The following PTPRD variants were observed in gnomAD, a reference collection of about 807,000 sequenced individuals.
PTPRD encodes receptor-type tyrosine-protein phosphatase delta.
Under a neutral mutation model 214.5 loss-of-function variants are expected in PTPRD, and 34 were observed. The observed-to-expected ratio is 0.16, with a 90% confidence interval of 0.12 to 0.21. The LOEUF (loss-of-function observed/expected upper bound fraction) is 0.21, where lower values mean the gene tolerates loss of function less well. Among genes scored for constraint, PTPRD ranks in the 10% least tolerant of loss-of-function variants. The pLI is 1.00. For synonymous variants in PTPRD, 1,128 were observed against 845.7 expected, an observed-to-expected ratio of 1.33 and a Z score of -5.79; for missense variants, 2,545 against 2,398.7, an observed-to-expected ratio of 1.06 and a Z score of -1.27.
intron 3 of PTPRD, among the ~76,000 whole-genome samples, chr9:10,130,762 A>T (rs115302423): frequency 0.019 from 2,878 of 152,302 alleles, 94 homozygotes; most frequent in African/African-American, 0.064. Flanking sequence ...CTGAAAAAAA[A>T]TAAGCTGGAA....
intron 45 of PTPRD, 56 bp from the exon 46 acceptor site, chr9:8,317,998 A>G: frequency 6.5e-7 from 1 of 1,527,238 alleles, no homozygotes; most frequent in African/African-American, 1.4e-5. Context: ...GCATATTTTA[A>G]TAGAAAAATA....
intron 10 of PTPRD, among the ~76,000 whole-genome samples, chr9:9,169,344 T>A (rs145593872): frequency 2.3e-4 from 35 of 152,280 alleles, no homozygotes; most frequent in Middle Eastern, 3.4e-3. Flanking sequence ...TCTGATTCAA[T>A]GCTAAGAGGA....
rs556210590 is a variant in PTPRD at position 8,861,056 on chromosome 9, A to AATAGCACACAGGAGCTTTGCT, written c.-103-127131_-103-127111dup. 4.1e-3 allele frequency: 624 copies of AATAGCACACAGGAGCTTTGCT among 152,340 alleles called. 3 individuals carry two copies. The highest frequency in any genetic ancestry group is 0.015 in the African/African-American group (603 of 41,568). The allele number at this position is 152,340 out of a possible 1,614,324, so 9.4% of individuals were successfully genotyped here. ...CTTCCAGCTCTAACATTCTGTGATA[A>AATAGCACACAGGAGCTTTGCT]ATAGCACACAGGAGCTTTGCTATAG... On this transcript the variant is annotated intron_variant, in intron 11 of 45. Coordinates refer to ENST00000381196, the MANE Select transcript of PTPRD (RefSeq NM_002839.4).
chr9:9,531,255 G>A (rs763075703), intron 8 of PTPRD, among the ~76,000 whole-genome samples: 3 of 152,008 alleles, frequency 2.0e-5, no homozygotes, highest in Admixed American at 6.6e-5. Context: ...CCTTACTTAC[G>A]GGTTCATATG....
rs150156037 is a variant in PTPRD, at chr9:8,581,482, C to T, written c.352+51835G>A. ...GGGTGGCCGGGGCCGGGCGCAGTGGCTCACGCCTGTAATCCCAGCACTTTG... is the reference window on the plus strand; with the variant it reads ...GGGTGGCCGGGGCCGGGCGCAGTGGTTCACGCCTGTAATCCCAGCACTTTG... On this transcript the variant is annotated intron_variant, in intron 14 of 45. Transcript: ENST00000381196. Among the ~76,000 whole-genome samples, 1,506 of 152,290 alleles carry T rather than the reference C, an allele frequency of 9.9e-3. 33 individuals carry two copies. Among genetic ancestry groups the T allele is most frequent in the East Asian group, 0.073 (378 of 5,164 alleles).
chr9:10,392,055 T>C (rs1356300286), intron 2 of PTPRD, among the ~76,000 whole-genome samples: 1 of 151,778 alleles, frequency 6.6e-6, no homozygotes, highest in Admixed American at 6.6e-5. Context: ...TTCTTCTTCA[T>C]AGCATTTCAT....
chr9:8,779,809 T>C (rs1206552472), intron 11 of PTPRD, among the ~76,000 whole-genome samples: 1 of 147,894 alleles, frequency 6.8e-6, no homozygotes, highest in East Asian at 1.9e-4. Context: ...GTCGATGTTT[T>C]GTTGGTTTTT....
At chr9:10,538,423 T>C (rs2058374403) in intron 2 of PTPRD, among the ~76,000 whole-genome samples, 1 of 152,110 alleles carries the variant, frequency 6.6e-6, no homozygotes, top group Non-Finnish European at 1.5e-5. Flanking sequence ...TTTACTTTCT[T>C]CCAGGCTTGA....
chr9:9,907,687 C>T (rs1453831109), intron 5 of PTPRD, among the ~76,000 whole-genome samples: 1 of 151,900 alleles, frequency 6.6e-6, no homozygotes, highest in Non-Finnish European at 1.5e-5. Flanking sequence ...AATTCAGTCC[C>T]ATAAAAGTGA....
intron 3 of PTPRD, among the ~76,000 whole-genome samples, chr9:10,289,573 T>G (rs541113485): frequency 4.6e-5 from 7 of 152,082 alleles, no homozygotes; most frequent in Non-Finnish European, 1.0e-4. Context: ...GCCCCGCCAT[T>G]TGTGCTAATA....
At chr9:10,331,664 A>C (rs899112036) in intron 3 of PTPRD, among the ~76,000 whole-genome samples, 1 of 151,824 alleles carries the variant, frequency 6.6e-6, no homozygotes, top group Non-Finnish European at 1.5e-5. Context: ...GTTAGTCCAA[A>C]TTGAGTTTTT....
intron 9 of PTPRD, among the ~76,000 whole-genome samples, chr9:9,382,916 A>G (rs534324272): frequency 3.2e-4 from 48 of 152,222 alleles, no homozygotes; most frequent in African/African-American, 9.9e-4. Flanking sequence ...ATGCCCACCA[A>G]TAGATAAATG....
Position 10,564,169 on chromosome 9 carries a change from T to C in PTPRD, c.-600+48229A>G, listed in dbSNP as rs533898874. Among the ~76,000 whole-genome samples the C allele has an allele frequency of 2.6e-3, 267 of 102,286 alleles. 2 individuals are homozygous for C. The highest frequency in any genetic ancestry group is 3.7e-3 in the Non-Finnish European group (188 of 50,618). The allele number at this position is 102,286 out of a possible 152,430, so 67.1% of individuals were successfully genotyped here. On this transcript the variant is annotated intron_variant, in intron 2 of 45. Transcript: ENST00000381196. The stretch of plus-strand genomic sequence containing the variant: ...GAGTGTGCACCACCACACTAGGCTA[T>C]TCTTTTTTTTTTTTTTTTTTTTTTT...
chr9:8,768,662 CAGA>C (rs1324709189), intron 11 of PTPRD, among the ~76,000 whole-genome samples: 1 of 152,184 alleles, frequency 6.6e-6, no homozygotes, highest in African/African-American at 2.4e-5. Context: ...TTAGACACTA[CAGA>C]AGACTACTGT....
rs896051636 is a variant in PTPRD at position 9,432,928 on chromosome 9, A to C, written c.-236-35446T>G. Among the ~76,000 whole-genome samples the C allele has an allele frequency of 1.6e-4, 25 of 152,182 alleles. 1 individual carries two copies. The highest frequency in any genetic ancestry group is 5.8e-4 in the African/African-American group (24 of 41,452). ...TTCCCAGAGTTGCAGACAATGCTTT[A>C]CTTTCAAATATTCACTAAGAGCATC... On this transcript the variant is annotated intron_variant, in intron 8 of 45. Transcript: ENST00000381196.
chr9:9,170,801 T>C (rs1343916958), intron 10 of PTPRD, among the ~76,000 whole-genome samples: 1 of 152,172 alleles, frequency 6.6e-6, no homozygotes, highest in Non-Finnish European at 1.5e-5. Context: ...AATTCATCAT[T>C]TGTCAGCCCC....
intron 4 of PTPRD, among the ~76,000 whole-genome samples, chr9:9,945,910 C>T (rs1278758970): frequency 6.6e-6 from 1 of 152,024 alleles, no homozygotes; most frequent in Non-Finnish European, 1.5e-5. Context: ...AAGATGGTTA[C>T]TGACATTTGT....
chr9:9,198,945 T>A (rs747517646), intron 9 of PTPRD, among the ~76,000 whole-genome samples: 1 of 152,186 alleles, frequency 6.6e-6, no homozygotes, highest in African/African-American at 2.4e-5. Context: ...ATCAAGCAAC[T>A]TGGGTGACTT....
intron 8 of PTPRD, among the ~76,000 whole-genome samples, chr9:9,486,091 T>C (rs1044947000): frequency 2.3e-5 from 3 of 131,930 alleles, no homozygotes; most frequent in African/African-American, 8.7e-5. Flanking sequence ...GTGGATGTTG[T>C]GGTGAGTCGA....
Sources: gnomAD v4.1 joint callset for allele counts (sites outside exome capture counted in the v4.1 genomes callset) on GRCh38, gnomAD v4.1.1 for gene constraint, MANE v1.5 for transcripts, NCBI Gene and HGNC (gene_info 2026-07-23, HGNC 2026-07-21) for gene names.